Variants in ANKEF1 observed in about 807,000 individuals in gnomAD.
The protein encoded by ANKEF1 is ankyrin repeat and EF-hand domain containing 1, also known as ankyrin repeat and EF-hand domain-containing protein 1.
ANKEF1 carries 43 observed loss-of-function variants against 65.1 expected under a neutral mutation model. That is an observed-to-expected ratio of 0.66 (90% CI 0.52 to 0.85). The LOEUF (loss-of-function observed/expected upper bound fraction) is 0.85, where lower values mean the gene tolerates loss of function less well. Ranked by LOEUF, ANKEF1 falls within the 40% of genes least tolerant of loss-of-function variation. The pLI is 0.00. For synonymous variants in ANKEF1, 316 were observed against 341.5 expected, an observed-to-expected ratio of 0.93 and a Z score of 0.82; for missense variants, 934 against 952.9, an observed-to-expected ratio of 0.98 and a Z score of 0.26.
chr20:10,037,279 C>T (rs960002067), intron 2 of ANKEF1, among the ~76,000 whole-genome samples: 1 of 152,144 alleles, frequency 6.6e-6, no homozygotes, highest in African/African-American at 2.4e-5. Flanking sequence ...TGCCATCAAT[C>T]TCAGTCTCTC....
At chr20:10,036,353 C>G (rs1983856815) in intron 2 of ANKEF1, among the ~76,000 whole-genome samples, 1 of 149,928 alleles carries the variant, frequency 6.7e-6, no homozygotes, top group East Asian at 1.9e-4. Flanking sequence ...GCATCTTGCC[C>G]TATTCCATAG....
At position 10,054,490 on chromosome 20, in the gene ANKEF1, CA is replaced by C. The variant is rs1204944109; in HGVS notation, c.2065del (p.Thr689ProfsTer16). ...CTGCTGTCATCAATTTATGGTGTAC[CA>C]ACCACATCAGAGGGAAAGAAAGTAC... Reference protein sequence around the residue: ...EELLSSIYGVPTTSEGKKVQK... With the variant: ...EELLSSIYGVXTTSEGKKVQK... On this transcript the variant is annotated frameshift_variant, in exon 10 of 11. Coordinates refer to ENST00000378392, the MANE Select transcript of ANKEF1 (RefSeq NM_022096.6). LOFTEE classifies it high-confidence loss of function. 3 of 1,595,006 alleles carry C rather than the reference CA, an allele frequency of 1.9e-6. No individual in the cohort carries two copies. In the Admixed American group the frequency reaches 5.3e-5, roughly 28 times the overall value.
At chr20:10,053,018 G>T in intron 8 of ANKEF1, 94 bp from the exon 9 acceptor site, 1 of 1,279,338 alleles carries the variant, frequency 7.8e-7, no homozygotes, top group Non-Finnish European at 1.1e-6. Context: ...CCTTATTAGG[G>T]CAGGCTTAGA....
intron 3 of ANKEF1, among the ~76,000 whole-genome samples, chr20:10,038,979 G>T (rs1175385954): frequency 5.9e-5 from 9 of 152,146 alleles, no homozygotes; most frequent in Non-Finnish European, 1.0e-4. Context: ...CAAAGATGAA[G>T]TAGAGCATTT....
chr20:10,045,845 A>C, intron 6 of ANKEF1, 148 bp downstream of exon 6: 2 of 730,320 alleles, frequency 2.7e-6, no homozygotes, highest in Non-Finnish European at 4.4e-6. Context: ...ATTGAAAATT[A>C]TTTCTTATAC....
Position 10,049,774 on chromosome 20 carries a change from T to G in ANKEF1, c.1205T>G (p.Leu402Ter). 1 of 1,614,006 alleles carries G rather than the reference T, an allele frequency of 6.2e-7. No individual in the cohort carries two copies. The highest frequency in any genetic ancestry group is 8.5e-7 in the Non-Finnish European group (1 of 1,179,992). Reference protein sequence around the residue: ...INEFFKGTRYLNKSFVLGSYG... With the variant: ...INEFFKGTRY Reference sequence around the variant, plus strand: ...GAATTCTTTAAAGGAACCAGATATTTAAACAAGTCTTTTGTCTTAGGATCG... The same window carrying G: ...GAATTCTTTAAAGGAACCAGATATTGAAACAAGTCTTTTGTCTTAGGATCG... Residue 402 changes from leucine (L) to a stop codon, truncating the protein, a stop_gained, in exon 7 of 11, where the codon TTA (leucine) becomes TGA (stop). Transcript: ENST00000378392. LOFTEE classifies it high-confidence loss of function.
rs567984466 is a variant in ANKEF1, at chr20:10,056,769, G to A, written c.*1109G>A. ...GCATCCATTTACCTAACCAGATTAC[G>A]ATTGTGAAAATTTCAACTGTTGTTA... On this transcript the variant is annotated 3_prime_UTR_variant, in exon 11 of 11. Coordinates refer to ENST00000378392, the MANE Select transcript of ANKEF1 (RefSeq NM_022096.6). 4.6e-5 allele frequency: 7 copies of A among 152,166 alleles called. No individual in the cohort carries two copies. The highest frequency in any genetic ancestry group is 1.9e-4 in the East Asian group (1 of 5,168). The allele number at this position is 152,166 out of a possible 1,614,324, so 9.4% of individuals were successfully genotyped here.
intron 6 of ANKEF1, 64 bp downstream of exon 6, chr20:10,045,761 G>A: frequency 6.3e-7 from 1 of 1,575,656 alleles, no homozygotes; most frequent in Non-Finnish European, 8.7e-7. Context: ...TAGATAAGCA[G>A]AGAATTTGGG....
chr20:10,048,810 A>T (rs922386349), intron 6 of ANKEF1, among the ~76,000 whole-genome samples: 1 of 152,224 alleles, frequency 6.6e-6, no homozygotes, highest in African/African-American at 2.4e-5. Context: ...AACTCCTCAG[A>T]TTTAATTACA....
At chr20:10,036,186 C>G (rs967781301) in intron 2 of ANKEF1, among the ~76,000 whole-genome samples, 3 of 152,178 alleles carry the variant, frequency 2.0e-5, no homozygotes, top group African/African-American at 7.2e-5. Flanking sequence ...CACAGGAAAC[C>G]GACCCATGGA....
In ANKEF1 at chr20:10,057,944, TTTATC is replaced by T. The variant is rs1236974262; in HGVS notation, c.*2287_*2291del. 1.3e-5 allele frequency: 2 copies of T among 152,184 alleles called. No homozygotes were observed. Among genetic ancestry groups the T allele is most frequent in the African/African-American group, 4.8e-5 (2 of 41,446 alleles). The allele number at this position is 152,184 out of a possible 1,614,324, so 9.4% of individuals were successfully genotyped here. A position where few individuals can be genotyped will look rare whatever the true frequency, so the allele number is the denominator to read the frequency against. ...GTATATAAGAAGAACACAAGCCACTTTTATCTTGTAAAATGTCTCTCAACTTTGGT... is the reference window on the plus strand; with the variant it reads ...GTATATAAGAAGAACACAAGCCACTTTTGTAAAATGTCTCTCAACTTTGGT... On this transcript the variant is annotated 3_prime_UTR_variant, in exon 11 of 11. Coordinates refer to ENST00000378392, the MANE Select transcript of ANKEF1 (RefSeq NM_022096.6).
Position 10,056,462 on chromosome 20 carries a change from TGATA to T in ANKEF1, c.*814_*817del, listed in dbSNP as rs3062979. ...AAAGGCAGATAGACAGATATATAGA[TGATA>T]GATAGATAGATGATAGATAGATAGA... On this transcript the variant is annotated 3_prime_UTR_variant, in exon 11 of 11. Transcript: ENST00000378392. 9.3e-4 allele frequency: 139 copies of T among 148,912 alleles called. 1 individual carries two copies. The highest frequency in any genetic ancestry group is 3.4e-3 in the African/African-American group (137 of 40,044). The allele number at this position is 148,912 out of a possible 1,614,324, so 9.2% of individuals were successfully genotyped here.
chr20:10,035,384 A>G (rs1983779706), intron 1 of ANKEF1, 51 bp downstream of exon 1: 1 of 151,836 alleles, frequency 6.6e-6, no homozygotes. Context: ...TACCCCCTCC[A>G]CTCCTCTCTT....
chr20:10,055,418 T>G, intron 10 of ANKEF1, 84 bp from the exon 11 acceptor site: 2 of 1,239,378 alleles, frequency 1.6e-6, no homozygotes, highest in Non-Finnish European at 2.3e-6. Flanking sequence ...GTTAAAACTG[T>G]GTATTGAAAA....
Position 10,043,104 on chromosome 20 carries a change from G to T in ANKEF1, c.347-18G>T, listed in dbSNP as rs1568511133. The T allele has an allele frequency of 8.1e-6, 13 of 1,611,484 alleles. No homozygotes were observed. Among genetic ancestry groups the T allele is most frequent in the South Asian group, 1.1e-5 (1 of 90,780 alleles). ...GTATAGATGTTAAATACTCTCTGGG[G>T]ATTTTATTTCTCTGCAGGTGTTTTG... is the stretch of plus-strand genomic sequence containing the variant. On this transcript the variant is annotated intron_variant, in intron 3 of 10. Coordinates refer to ENST00000378392, the MANE Select transcript of ANKEF1 (RefSeq NM_022096.6).
At chr20:10,055,377 T>C (rs905080288) in intron 10 of ANKEF1, 125 bp from the exon 11 acceptor site, 1 of 840,900 alleles carries the variant, frequency 1.2e-6, no homozygotes, top group Admixed American at 2.7e-5. Flanking sequence ...AATTTAATAG[T>C]TTTAAGTTAA....
chr20:10,039,753 G>A (rs997288672), intron 3 of ANKEF1, among the ~76,000 whole-genome samples: 3 of 152,052 alleles, frequency 2.0e-5, no homozygotes, highest in South Asian at 2.1e-4. Flanking sequence ...TTGGTTCCAC[G>A]GTCGCATTCA....
intron 6 of ANKEF1, among the ~76,000 whole-genome samples, chr20:10,047,637 G>A (rs954397208): frequency 2.0e-5 from 3 of 152,170 alleles, no homozygotes; most frequent in African/African-American, 7.2e-5. Context: ...ACATCCAAGG[G>A]CAGAGGAGAG....
At chr20:10,042,723 A>C (rs967450895) in intron 3 of ANKEF1, among the ~76,000 whole-genome samples, 4 of 152,152 alleles carry the variant, frequency 2.6e-5, no homozygotes, top group African/African-American at 4.8e-5. Context: ...ACCCAGTACC[A>C]TCTCTTTTGC....
Sources: gnomAD v4.1 joint callset for allele counts (sites outside exome capture counted in the v4.1 genomes callset) on GRCh38, gnomAD v4.1.1 for gene constraint, MANE v1.5 for transcripts, NCBI Gene and HGNC (gene_info 2026-07-23, HGNC 2026-07-21) for gene names.